The following RSPH14 variants were observed in gnomAD, a reference collection of about 807,000 sequenced individuals.
The protein encoded by RSPH14 is radial spoke head 14 homolog, also known as rhabdoid tumor deletion region gene 1.
In RSPH14, 20 loss-of-function variants were observed where a neutral mutation model predicts 26.7. That is an observed-to-expected ratio of 0.75 (90% CI 0.53 to 1.09). The LOEUF is 1.09. Among genes scored for constraint, RSPH14 ranks in the 50% least tolerant of loss-of-function variants. The probability of loss-of-function intolerance (pLI) is 0.00; values close to 1 mark genes in which losing one functional copy is unlikely to be tolerated. For missense variants in RSPH14, 449 were observed against 457.2 expected (o/e 0.98, Z 0.16); for synonymous variants, 177 against 189.3 (o/e 0.93, Z 0.53).
At chr22:23,070,189 A>G (rs1414530979) in intron 4 of RSPH14, among the ~76,000 whole-genome samples, 2 of 151,612 alleles carry the variant, frequency 1.3e-5, no homozygotes, top group Admixed American at 6.6e-5. Context: ...CCTGTGCCCA[A>G]TGGACAGAGG....
chr22:23,138,669 G>A (rs1359536647), intron 3 of RSPH14, among the ~76,000 whole-genome samples, 171 bp downstream of exon 3: 2 of 152,120 alleles, frequency 1.3e-5, no homozygotes, highest in African/African-American at 4.8e-5. Context: ...GATCCACACA[G>A]AGGCAACCAA....
chr22:23,077,529 G>A (rs1403549796), intron 4 of RSPH14, among the ~76,000 whole-genome samples: 1 of 152,136 alleles, frequency 6.6e-6, no homozygotes, highest in African/African-American at 2.4e-5. Context: ...CTTGGAATTG[G>A]GAGGCTGGAT....
In RSPH14 at chr22:23,067,161, T is replaced by C. The variant is rs139554314; in HGVS notation, c.422-3028A>G. Among the ~76,000 whole-genome samples, 10 of 152,262 alleles carry C rather than the reference T, an allele frequency of 6.6e-5. No homozygotes were observed. In the East Asian group the frequency reaches 1.7e-3, roughly 26 times the overall value. ...ATGAGCCAAAGAGATCCAATGGGATTGAGGGGTCACGGATGTCCATGGTGT... is the reference window on the plus strand; with the variant it reads ...ATGAGCCAAAGAGATCCAATGGGATCGAGGGGTCACGGATGTCCATGGTGT... On this transcript the variant is annotated intron_variant, in intron 4 of 6. Coordinates refer to ENST00000216036, the MANE Select transcript of RSPH14 (RefSeq NM_014433.3).
the RSPH14 span, chr22:23,155,854 C>A: frequency 1.1e-6 from 1 of 890,930 alleles, no homozygotes; most frequent in Non-Finnish European, 1.6e-6. Flanking sequence ...GAAGCCCATG[C>A]AGCTGGCACA....
the RSPH14 span, chr22:23,152,593 T>C: frequency 1.4e-6 from 2 of 1,472,980 alleles, no homozygotes; most frequent in East Asian, 4.5e-5. Context: ...TTTGCCTGGG[T>C]GGCCCAGATA....
chr22:23,153,552 T>G, the RSPH14 span: 9 of 985,108 alleles, frequency 9.1e-6, no homozygotes, highest in Non-Finnish European at 1.1e-5. Context: ...ATCCAGTCCC[T>G]GCATGCCAGG....
At chr22:23,161,482 C>T in the RSPH14 span, 2 of 1,596,738 alleles carry the variant, frequency 1.3e-6, no homozygotes, top group African/African-American at 2.7e-5. Flanking sequence ...TGCTAAATTA[C>T]TTCTCCCCTC....
At chr22:23,108,816 C>T (rs1440489209) in intron 4 of RSPH14, among the ~76,000 whole-genome samples, 1 of 152,270 alleles carries the variant, frequency 6.6e-6, no homozygotes, top group Admixed American at 6.5e-5. Context: ...GTGTTAGCAT[C>T]CTCTGCCTGC....
rs1403764938 is a variant in RSPH14 at position 23,071,214 on chromosome 22, G to A, written c.422-7081C>T. The stretch of plus-strand genomic sequence containing the variant: ...TTTTTTCCCTTAAAAGGCGGTGGGG[G>A]TGTTTGGGGGAGGGGAGTGAGGGCC... On this transcript the variant is annotated intron_variant, in intron 4 of 6. Coordinates refer to ENST00000216036, the MANE Select transcript of RSPH14 (RefSeq NM_014433.3). The surrounding 1 kb of genome is among the most constrained non-coding windows in gnomAD (Gnocchi z 4.1). Among the ~76,000 whole-genome samples, 1 of 152,164 alleles carries A rather than the reference G, an allele frequency of 6.6e-6. No individual in the cohort carries two copies. Among genetic ancestry groups the A allele is most frequent in the East Asian group, 1.9e-4 (1 of 5,174 alleles).
chr22:23,093,966 G>A (rs1324956719), intron 4 of RSPH14, among the ~76,000 whole-genome samples: 1 of 152,202 alleles, frequency 6.6e-6, no homozygotes, highest in Non-Finnish European at 1.5e-5. Context: ...AGGGGCAAGG[G>A]ACAGTGAGGG....
the RSPH14 span, chr22:23,152,421 G>A: frequency 6.2e-7 from 1 of 1,610,184 alleles, no homozygotes; most frequent in Non-Finnish European, 8.5e-7. Context: ...AGACACCCTG[G>A]AAGGCATGCC....
chr22:23,114,508 C>T (rs1304683770), intron 4 of RSPH14, among the ~76,000 whole-genome samples: 1 of 152,086 alleles, frequency 6.6e-6, no homozygotes, highest in Non-Finnish European at 1.5e-5. Flanking sequence ...ACGTCCTGCT[C>T]TTGTATTACC....
chr22:23,062,929 C>T (rs2068124361), intron 5 of RSPH14, among the ~76,000 whole-genome samples: 2 of 152,228 alleles, frequency 1.3e-5, no homozygotes, highest in African/African-American at 2.4e-5. Context: ...AAAGCTCCCC[C>T]GCTGCAAACC....
chr22:23,166,147 TAAAAAAAAAAAAAAA>T, the RSPH14 span, among the ~76,000 whole-genome samples: 7 of 59,886 alleles, frequency 1.2e-4, no homozygotes, highest in African/African-American at 2.1e-4. Context: ...CTCTGTCTTT[TAAAAAAAAAAAAAAA>T]AAAAAAAAAA....
chr22:23,140,984 G>A (rs1338553483), intron 1 of RSPH14, among the ~76,000 whole-genome samples: 1 of 152,138 alleles, frequency 6.6e-6, no homozygotes, highest in Non-Finnish European at 1.5e-5. Context: ...TCACTGCCAG[G>A]AACCCATATT....
intron 4 of RSPH14, among the ~76,000 whole-genome samples, chr22:23,065,449 G>T (rs138999055): frequency 1.6e-3 from 211 of 132,718 alleles, no homozygotes; most frequent in Middle Eastern, 5.2e-3. Flanking sequence ...TGCCCTGTTT[G>T]TTCTCAGGGC....
chr22:23,065,559 A>G, intron 4 of RSPH14, among the ~76,000 whole-genome samples: 1 of 145,662 alleles, frequency 6.9e-6, no homozygotes, highest in Non-Finnish European at 1.5e-5. Context: ...AAAAAAAAAA[A>G]AAAGCCTAGG....
chr22:23,124,214 GTT>G (rs755464439), intron 4 of RSPH14: 66 of 146,424 alleles, frequency 4.5e-4, no homozygotes, highest in South Asian at 1.8e-3. Flanking sequence ...TTGTTTTTTG[GTT>G]TTTTTTTTTT....
rs147770678 is a variant in RSPH14, at chr22:23,141,056, G to A, written c.-52-584C>T. 2.7e-3 allele frequency among the ~76,000 whole-genome samples: 405 copies of A among 152,270 alleles called. 3 individuals are homozygous for A. Among genetic ancestry groups the A allele is most frequent in the African/African-American group, 9.0e-3 (375 of 41,558 alleles). On this transcript the variant is annotated intron_variant, in intron 1 of 6. Transcript: ENST00000216036. ...GTTAAAAGGTGATTTATGGCCACGC[G>A]CAGTGGCTCACGCCTGTAATCCCAG...
Sources: gnomAD v4.1 joint callset for allele counts (sites outside exome capture counted in the v4.1 genomes callset) on GRCh38, gnomAD v4.1.1 for gene constraint, Gnocchi (gnomAD v3.1) non-coding constraint, MANE v1.5 for transcripts, NCBI Gene and HGNC (gene_info 2026-07-23, HGNC 2026-07-21) for gene names.